Variants in SH3GL3 observed in about 807,000 individuals in gnomAD.
SH3GL3 encodes the protein SH3 domain containing GRB2 like 3, endophilin A3, also known as endophilin-A3.
In SH3GL3, 33 loss-of-function variants were observed where a neutral mutation model predicts 47.7. That is an observed-to-expected ratio of 0.69 (90% CI 0.52 to 0.92). The LOEUF is 0.92. Ranked by LOEUF, SH3GL3 falls within the 40% of genes least tolerant of loss-of-function variation. The probability of loss-of-function intolerance (pLI) is 0.00; values close to 1 mark genes in which losing one functional copy is unlikely to be tolerated. For synonymous variants in SH3GL3, 155 were observed against 148.8 expected (o/e 1.04, Z -0.30); for missense variants, 363 against 417.8 (o/e 0.87, Z 1.14).
chr15:83,467,683 CTG>C (rs1212682841), intron 1 of SH3GL3, among the ~76,000 whole-genome samples: 1 of 152,116 alleles, frequency 6.6e-6, no homozygotes, highest in Non-Finnish European at 1.5e-5. Context: ...TGGTGTATCT[CTG>C]TGTGTATTTT....
At chr15:83,491,156 A>G (rs1033583577) in intron 1 of SH3GL3, among the ~76,000 whole-genome samples, 2 of 152,222 alleles carry the variant, frequency 1.3e-5, no homozygotes, top group African/African-American at 4.8e-5. Context: ...TGTGTTTTGG[A>G]GACAGAGTCC....
At chr15:83,534,980 C>T (rs753154310) in intron 1 of SH3GL3, among the ~76,000 whole-genome samples, 7 of 152,028 alleles carry the variant, frequency 4.6e-5, no homozygotes, top group Non-Finnish European at 8.8e-5. Context: ...ACTGATTAAA[C>T]CCAGGAATGG....
intron 2 of SH3GL3, 57 bp downstream of exon 2, chr15:83,559,378 A>G: frequency 1.1e-6 from 1 of 890,182 alleles, no homozygotes; most frequent in Non-Finnish European, 1.9e-6. Context: ...GTGATATGAG[A>G]TATACTGCTA....
chr15:83,536,928 G>A (rs895941339), intron 1 of SH3GL3, among the ~76,000 whole-genome samples: 5 of 151,992 alleles, frequency 3.3e-5, no homozygotes, highest in South Asian at 2.1e-4. Flanking sequence ...ATTTCCTGTC[G>A]CACTCCTGGT....
intron 8 of SH3GL3, among the ~76,000 whole-genome samples, chr15:83,603,144 C>T (rs2060430566): frequency 6.6e-6 from 1 of 152,054 alleles, no homozygotes; most frequent in African/African-American, 2.4e-5. Context: ...AGATTATAGG[C>T]ATGCACCACC....
intron 1 of SH3GL3, among the ~76,000 whole-genome samples, chr15:83,474,617 TC>T (rs1193178642): frequency 2.0e-5 from 3 of 152,136 alleles, no homozygotes; most frequent in Non-Finnish European, 4.4e-5. Flanking sequence ...TGTTACCTGC[TC>T]ACCCATAGCT....
intron 1 of SH3GL3, among the ~76,000 whole-genome samples, chr15:83,493,266 C>T (rs530379652): frequency 1.3e-5 from 2 of 151,978 alleles, no homozygotes; most frequent in Non-Finnish European, 2.9e-5. Context: ...GGAGGGGATC[C>T]GGGGACTATA....
chr15:83,457,668 A>AT (rs758425379), intron 1 of SH3GL3, among the ~76,000 whole-genome samples: 1 of 152,068 alleles, frequency 6.6e-6, no homozygotes, highest in African/African-American at 2.4e-5. Context: ...ATAATGATTT[A>AT]TTTTTTTCTC....
At chr15:83,449,379 G>A (rs2039620854) in intron 1 of SH3GL3, among the ~76,000 whole-genome samples, 1 of 146,976 alleles carries the variant, frequency 6.8e-6, no homozygotes, top group South Asian at 2.1e-4. Flanking sequence ...GTGCTGCTGT[G>A]AGCAGAGCAG....
At chr15:83,628,592 A>G in the SH3GL3 span, among the ~76,000 whole-genome samples, 1 of 152,086 alleles carries the variant, frequency 6.6e-6, no homozygotes, top group African/African-American at 2.4e-5. Context: ...AAAGTACAAA[A>G]ATCAGCTATG....
intron 1 of SH3GL3, among the ~76,000 whole-genome samples, chr15:83,461,551 G>A (rs910747683): frequency 3.3e-5 from 5 of 151,584 alleles, no homozygotes; most frequent in African/African-American, 1.2e-4. Flanking sequence ...TAAAATGTTT[G>A]CTTTTTCTCC....
intron 1 of SH3GL3, among the ~76,000 whole-genome samples, chr15:83,457,866 T>G (rs1032333600): frequency 2.0e-5 from 3 of 152,238 alleles, no homozygotes; most frequent in African/African-American, 7.2e-5. Context: ...TTCTTACCAC[T>G]GAGGACTTTT....
At chr15:83,461,670 C>G (rs1447795537) in intron 1 of SH3GL3, among the ~76,000 whole-genome samples, 1 of 151,874 alleles carries the variant, frequency 6.6e-6, no homozygotes, top group Non-Finnish European at 1.5e-5. Context: ...TAACAAGATA[C>G]AATTTAAAAT....
At chr15:83,570,201 G>A (rs902838038) in intron 4 of SH3GL3, among the ~76,000 whole-genome samples, 9 of 152,078 alleles carry the variant, frequency 5.9e-5, no homozygotes, top group Non-Finnish European at 8.8e-5. Flanking sequence ...GTGCAATAGG[G>A]TTCTAATTTT....
chr15:83,484,177 A>G (rs907662759), intron 1 of SH3GL3, among the ~76,000 whole-genome samples: 18 of 152,144 alleles, frequency 1.2e-4, no homozygotes, highest in Admixed American at 1.3e-4. Context: ...ATTACCCCCA[A>G]TTTAATTTTT....
Position 83,618,291 on chromosome 15 carries a change from T to C in SH3GL3, c.*4T>C. 6.4e-7 allele frequency: 1 copy of C among 1,562,210 alleles called. No homozygotes were observed. Among genetic ancestry groups the C allele is most frequent in the Non-Finnish European group, 8.8e-7 (1 of 1,132,550 alleles). On this transcript the variant is annotated 3_prime_UTR_variant, in exon 9 of 9. Transcript: ENST00000427482. ...GATCGTGCCTTTACCTCAGTAAATG[T>C]GTAACACAAACTCTGGACATACTTT...
chr15:83,617,763 G>T (rs1274467860), intron 8 of SH3GL3, among the ~76,000 whole-genome samples: 2 of 152,166 alleles, frequency 1.3e-5, no homozygotes, highest in Admixed American at 6.5e-5. Flanking sequence ...GAAGGAGGTG[G>T]GCCTGTGATT....
At chr15:83,555,480 A>C (rs1426469763) in intron 1 of SH3GL3, among the ~76,000 whole-genome samples, 1 of 151,950 alleles carries the variant, frequency 6.6e-6, no homozygotes, top group Admixed American at 6.6e-5. Context: ...ACTTCTCTCT[A>C]GTGATTGTGG....
intron 1 of SH3GL3, among the ~76,000 whole-genome samples, chr15:83,473,289 C>G (rs1374176436): frequency 6.6e-6 from 1 of 152,076 alleles, no homozygotes; most frequent in Non-Finnish European, 1.5e-5. Flanking sequence ...CTGACACTGC[C>G]CCAGGGGTGA....
Sources: gnomAD v4.1 joint callset for allele counts (sites outside exome capture counted in the v4.1 genomes callset) on GRCh38, gnomAD v4.1.1 for gene constraint, MANE v1.5 for transcripts, NCBI Gene and HGNC (gene_info 2026-07-23, HGNC 2026-07-21) for gene names.